Variants in PCDHGA3 observed in about 807,000 individuals in gnomAD.
PCDHGA3 encodes the protein protocadherin gamma subfamily A, 3.
PCDHGA3 carries 40 observed loss-of-function variants against 58.5 expected under a neutral mutation model. That is an observed-to-expected ratio of 0.68 (90% confidence interval 0.53 to 0.89). The LOEUF is 0.89. Ranked by LOEUF, PCDHGA3 falls within the 40% of genes least tolerant of loss-of-function variation. PCDHGA3 has a pLI of 0.00. For missense variants in PCDHGA3, 1,223 were observed against 1,195.9 expected, an observed-to-expected ratio of 1.02 and a Z score of -0.33; for synonymous variants, 530 against 525.7, an observed-to-expected ratio of 1.01 and a Z score of -0.11.
Position 141,385,307 on chromosome 5 carries a change from A to G in PCDHGA3, c.2424+38850A>G, listed in dbSNP as rs766207712. The stretch of plus-strand genomic sequence containing the variant: ...GTAGATTTTCAGGAATGTAAAGAAA[A>G]CCTGCCAAGTATTCAGGTGAGCCCA... On this transcript the variant is annotated intron_variant, in intron 1 of 3. Transcript: ENST00000253812. 19 of 1,612,402 alleles carry G rather than the reference A, an allele frequency of 1.2e-5. No homozygotes were observed. Among genetic ancestry groups the G allele is most frequent in the African/African-American group, 2.7e-5 (2 of 74,932 alleles).
chr5:141,489,428 G>A lies in PCDHGA3; in HGVS notation c.2425-5379G>A, dbSNP rs561792279. The A allele has an allele frequency of 2.5e-5, 40 of 1,614,112 alleles. No homozygotes were observed. In the Middle Eastern group the frequency reaches 4.9e-4, roughly 20 times the overall value. ...AAGATGACAGATCTGTTGAGCCGGC[G>A]GCTGCAATTGGGCTCTGAGGAGAAT... On this transcript the variant is annotated intron_variant, in intron 1 of 3. Transcript: ENST00000253812. This position sits in a 1 kb window ranked among gnomAD's most constrained non-coding sequence, Gnocchi z 4.5.
intron 1 of PCDHGA3, chr5:141,399,376 A>G: frequency 6.2e-7 from 1 of 1,613,956 alleles, no homozygotes; most frequent in Non-Finnish European, 8.5e-7. Flanking sequence ...GTACAATGTC[A>G]CCATCACAGC....
intron 1 of PCDHGA3, chr5:141,416,205 A>T (rs1239154825): frequency 1.3e-5 from 2 of 152,458 alleles, no homozygotes; most frequent in Non-Finnish European, 2.9e-5. Context: ...CAATTTATTT[A>T]TAACAATGTA....
chr5:141,447,328 C>T (rs546209008), intron 1 of PCDHGA3, among the ~76,000 whole-genome samples: 39 of 151,886 alleles, frequency 2.6e-4, no homozygotes, highest in Admixed American at 7.2e-4. Flanking sequence ...TTAGTAGAGA[C>T]GGGTTTCATC....
At chr5:141,381,066 C>T (rs1178029702) in intron 1 of PCDHGA3, among the ~76,000 whole-genome samples, 1 of 152,200 alleles carries the variant, frequency 6.6e-6, no homozygotes, top group Non-Finnish European at 1.5e-5. Context: ...GCAAAGATAA[C>T]TATGGATTAT....
At chr5:141,351,772 C>A in intron 1 of PCDHGA3, 1 of 1,613,538 alleles carries the variant, frequency 6.2e-7, no homozygotes, top group Non-Finnish European at 8.5e-7. Context: ...TGTCCGTGAG[C>A]CCGCAGAGCG....
At chr5:141,351,199 G>C (rs776609643) in intron 1 of PCDHGA3, 4 of 1,614,034 alleles carry the variant, frequency 2.5e-6, no homozygotes, top group Non-Finnish European at 3.4e-6. Context: ...GATATGTGTT[G>C]AGTGTGGAAG....
chr5:141,371,307 G>A lies in PCDHGA3; in HGVS notation c.2424+24850G>A, dbSNP rs1365898739. 5 of 1,613,970 alleles carry A rather than the reference G, an allele frequency of 3.1e-6. No individual in the cohort carries two copies. In the Admixed American group the frequency reaches 6.7e-5, roughly 22 times the overall value. On this transcript the variant is annotated intron_variant, in intron 1 of 3. Coordinates refer to ENST00000253812, the MANE Select transcript of PCDHGA3 (RefSeq NM_018916.4). ...TAAAACGGGGGAACTCACCACTATTGGAGAACTGGACTTTGAAGAGAGAGA... is the reference window on the plus strand; with the variant it reads ...TAAAACGGGGGAACTCACCACTATTAGAGAACTGGACTTTGAAGAGAGAGA...
At chr5:141,369,999 A>C (rs995138311) in intron 1 of PCDHGA3, among the ~76,000 whole-genome samples, 3 of 152,262 alleles carry the variant, frequency 2.0e-5, no homozygotes, top group African/African-American at 7.2e-5. Flanking sequence ...TAAAGCTCAA[A>C]TTAAAAGAAA....
rs1346536726 is a variant in PCDHGA3 at position 141,375,203 on chromosome 5, C to A, written c.2424+28746C>A. 10 of 1,613,794 alleles carry A rather than the reference C, an allele frequency of 6.2e-6. No individual in the cohort carries two copies. In the Admixed American group the frequency reaches 1.3e-4, roughly 22 times the overall value. ...AATCGCCCTTTTTCAAGTGTTCGATCGAGACTCTGGCCTGAATGGCCTGGT... is the reference window on the plus strand; with the variant it reads ...AATCGCCCTTTTTCAAGTGTTCGATAGAGACTCTGGCCTGAATGGCCTGGT... On this transcript the variant is annotated intron_variant, in intron 1 of 3. Transcript: ENST00000253812.
intron 1 of PCDHGA3, chr5:141,410,799 C>A: frequency 1.8e-6 from 1 of 560,610 alleles, no homozygotes; most frequent in Non-Finnish European, 2.6e-6. Flanking sequence ...ATAAGTTGCT[C>A]TATCTTTTTG....
chr5:141,356,111 TG>T, intron 1 of PCDHGA3: 1 of 1,613,818 alleles, frequency 6.2e-7, no homozygotes. Flanking sequence ...ATAACAATAT[TG>T]GGGGGTCTAG....
intron 1 of PCDHGA3, chr5:141,440,448 A>G (rs2098178859): frequency 6.6e-6 from 1 of 152,168 alleles, no homozygotes; most frequent in East Asian, 1.9e-4. Context: ...CGCCATCTCA[A>G]AAAAAATGAA....
intron 1 of PCDHGA3, chr5:141,398,344 C>G (rs901692894): frequency 7.3e-7 from 1 of 1,372,066 alleles, no homozygotes; most frequent in African/African-American, 1.5e-5. Context: ...TTCGGAGAAG[C>G]CTTACTTCAC....
chr5:141,403,571 G>A (rs778030830), intron 1 of PCDHGA3: 1 of 1,613,904 alleles, frequency 6.2e-7, no homozygotes, highest in Non-Finnish European at 8.5e-7. Context: ...GGAGGCAACT[G>A]CCCACCACCT....
intron 1 of PCDHGA3, chr5:141,376,308 G>T (rs766557828): frequency 6.2e-7 from 1 of 1,614,208 alleles, no homozygotes; most frequent in South Asian, 1.1e-5. Context: ...CACTTTGTGG[G>T]CGTGGAAGGG....
intron 1 of PCDHGA3, among the ~76,000 whole-genome samples, chr5:141,353,291 A>C (rs1759238181): frequency 6.6e-6 from 1 of 152,126 alleles, no homozygotes; most frequent in South Asian, 2.1e-4. Flanking sequence ...TTTTATTCTT[A>C]GCTCTTTATA....
chr5:141,348,748 T>A (rs888940861), intron 1 of PCDHGA3, among the ~76,000 whole-genome samples: 1 of 152,126 alleles, frequency 6.6e-6, no homozygotes, highest in Non-Finnish European at 1.5e-5. Context: ...GTAAAAGGAA[T>A]GGAAAGTATA....
At position 141,390,172 on chromosome 5, in the gene PCDHGA3, ATT is replaced by A. The variant is rs745723390; in HGVS notation, c.2424+43717_2424+43718del. 218 of 1,614,012 alleles carry A rather than the reference ATT, an allele frequency of 1.4e-4. 1 individual carries two copies. In the African/African-American group the frequency reaches 2.7e-3, roughly 20 times the overall value. ...GCACATACAGGAAAGACGGAGTTTA[ATT>A]TCCTAAAATGTAGTGAGCAGTTGAG... On this transcript the variant is annotated intron_variant, in intron 1 of 3. Transcript: ENST00000253812.
Sources: gnomAD v4.1 joint callset for allele counts (sites outside exome capture counted in the v4.1 genomes callset) on GRCh38, gnomAD v4.1.1 for gene constraint, Gnocchi (gnomAD v3.1) non-coding constraint, MANE v1.5 for transcripts, NCBI Gene and HGNC (gene_info 2026-07-23, HGNC 2026-07-21) for gene names.